The following ABCB4 variants were observed in gnomAD, a reference collection of about 807,000 sequenced individuals.
ABCB4 encodes ATP binding cassette subfamily B member 4, also known as phosphatidylcholine translocator ABCB4.
Under a neutral mutation model 145.7 loss-of-function variants are expected in ABCB4, and 76 were observed. The ratio of observed to expected loss-of-function variants is 0.52; its 90% CI spans 0.43 to 0.63. The LOEUF (loss-of-function observed/expected upper bound fraction) is 0.63. Among genes scored for constraint, ABCB4 ranks in the 30% least tolerant of loss-of-function variants. The probability of loss-of-function intolerance (pLI) is 0.00; values close to 1 mark genes in which losing one functional copy is unlikely to be tolerated. For missense variants in ABCB4, 1,234 were observed against 1,553.1 expected (o/e 0.79, Z 3.45); for synonymous variants, 517 against 566.8 (o/e 0.91, Z 1.25).
In ABCB4 at chr7:87,422,227, T is replaced by C. The variant is rs1394566358; in HGVS notation, c.2212-2A>G. 6.2e-7 allele frequency: 1 copy of C among 1,609,288 alleles called. No individual in the cohort carries two copies. The highest frequency in any genetic ancestry group is 8.5e-7 in the Non-Finnish European group (1 of 1,176,104). ...TGCATCATCGCCTGGTCCAAAAATCTACAAAAGAATATTTAAAACGCCCAC... is the reference window on the plus strand; with the variant it reads ...TGCATCATCGCCTGGTCCAAAAATCCACAAAAGAATATTTAAAACGCCCAC... On this transcript the variant is annotated splice_acceptor_variant, in intron 17 of 27. Transcript: ENST00000649586. LOFTEE classifies it high-confidence loss of function.
the ABCB4 span, among the ~76,000 whole-genome samples, chr7:87,388,057 C>T: frequency 1.3e-5 from 2 of 152,060 alleles, no homozygotes; most frequent in Non-Finnish European, 2.9e-5. Flanking sequence ...GTGATACCTT[C>T]CAGGTCCCTA....
the ABCB4 span, among the ~76,000 whole-genome samples, chr7:87,368,159 G>A: frequency 6.6e-6 from 1 of 152,098 alleles, no homozygotes; most frequent in Non-Finnish European, 1.5e-5. Context: ...CTTTGTGCTT[G>A]CTGTTTCCTC....
Position 87,443,419 on chromosome 7 carries a change from A to G in ABCB4, c.1256T>C (p.Val419Ala), listed in dbSNP as rs990267719. ...CAGGGCCACCGTCTGCCCACTCTGC[A>G]CCTTCAGGTTGAGGCCCTTCAAGAT... The part of the protein sequence containing the change: ...VKILKGLNLK[V>A]QSGQTVALVG... Residue 419 changes from valine (V) to alanine (A), a missense_variant, in exon 12 of 28, where the codon GTG (valine) becomes GCG (alanine). Coordinates refer to ENST00000649586, the MANE Select transcript of ABCB4 (RefSeq NM_000443.4). 1.2e-6 allele frequency: 2 copies of G among 1,614,080 alleles called. No homozygotes were observed. Among genetic ancestry groups the G allele is most frequent in the Non-Finnish European group, 1.7e-6 (2 of 1,180,014 alleles).
chr7:87,372,634 C>A, the ABCB4 span, among the ~76,000 whole-genome samples: 4 of 152,146 alleles, frequency 2.6e-5, no homozygotes, highest in Non-Finnish European at 5.9e-5. Context: ...TGACAACTAC[C>A]AATCTACTTT....
intron 3 of ABCB4, among the ~76,000 whole-genome samples, chr7:87,466,228 T>C (rs897096385): frequency 3.9e-5 from 6 of 152,134 alleles, no homozygotes; most frequent in Non-Finnish European, 8.8e-5. Context: ...CTGAAAACCA[T>C]GGCACAAGAA....
chr7:87,386,369 A>G, the ABCB4 span, among the ~76,000 whole-genome samples: 1 of 151,936 alleles, frequency 6.6e-6, no homozygotes, highest in African/African-American at 2.4e-5. Flanking sequence ...TGGGTTTTCT[A>G]TGTCTTTATG....
rs1289876112 is a variant in ABCB4, at chr7:87,411,954, A to C, written c.2863T>G (p.Cys955Gly). The stretch of plus-strand genomic sequence containing the variant: ...ATGAGATATGCACCAAATCGAAAAC[A>C]ACCGGCATAGGAAAAATACATAAAT... ...QAFMYFSYAGCFRFGAYLIVN... is the reference protein window; with the variant it reads ...QAFMYFSYAGGFRFGAYLIVN... Residue 955 changes from cysteine (C) to glycine (G), a missense_variant, in exon 23 of 28, where the codon TGT (cysteine) becomes GGT (glycine). Around this residue, in one of 7 missense-constraint regions of ABCB4, gnomAD observed 301 missense variants for 389.0 expected, o/e 0.77. Transcript: ENST00000649586. 6 of 1,613,872 alleles carry C rather than the reference A, an allele frequency of 3.7e-6. No homozygotes were observed. The highest frequency in any genetic ancestry group is 2.7e-5 in the African/African-American group (2 of 74,940).
At chr7:87,382,149 A>G in the ABCB4 span, 20 of 1,613,176 alleles carry the variant, frequency 1.2e-5, 1 homozygote, top group South Asian at 1.9e-4. Context: ...TTTAAATGAC[A>G]TCAACCAAGC....
chr7:87,450,930 G>A (rs1811678650), intron 7 of ABCB4, among the ~76,000 whole-genome samples: 1 of 152,194 alleles, frequency 6.6e-6, no homozygotes, highest in Admixed American at 6.5e-5. Context: ...CAACTCTGAA[G>A]TGTTGGCTAA....
chr7:87,403,313 A>T (rs755880012), intron 26 of ABCB4, 32 bp from the exon 27 acceptor site: 1 of 1,593,996 alleles, frequency 6.3e-7, no homozygotes, highest in South Asian at 1.1e-5. Context: ...AATATGTTGA[A>T]TGAACTGTTG....
chr7:87,371,695 A>C, the ABCB4 span, among the ~76,000 whole-genome samples: 1 of 152,140 alleles, frequency 6.6e-6, no homozygotes, highest in Non-Finnish European at 1.5e-5. Context: ...TAAACTTAAA[A>C]CATATCTGGT....
intron 14 of ABCB4, among the ~76,000 whole-genome samples, chr7:87,433,439 C>A (rs1370910292): frequency 6.6e-6 from 1 of 151,950 alleles, no homozygotes; most frequent in Non-Finnish European, 1.5e-5. Context: ...TAATTATATT[C>A]ATGATGCTAA....
intron 20 of ABCB4, 72 bp downstream of exon 20, chr7:87,418,465 G>T: frequency 7.5e-7 from 1 of 1,337,594 alleles, no homozygotes; most frequent in Non-Finnish European, 1.1e-6. Context: ...ATCTTAACAA[G>T]TGTGGGTATG....
chr7:87,406,450 G>C lies in ABCB4; in HGVS notation c.3324C>G (p.Leu1108=), dbSNP rs1165624379. 1 of 1,613,796 alleles carries C rather than the reference G, an allele frequency of 6.2e-7. No homozygotes were observed. Among genetic ancestry groups the C allele is most frequent in the Non-Finnish European group, 8.5e-7 (1 of 1,179,998 alleles). ...QEAKKLNVQW[L]RAQLGIVSQE... Reference sequence around the variant, plus strand: ...GAGACACGATTCCGAGTTGAGCTCTGAGCCACTGGACATTGAGTTTCTTTG... The same window carrying C: ...GAGACACGATTCCGAGTTGAGCTCTCAGCCACTGGACATTGAGTTTCTTTG... Residue 1108 remains leucine, a synonymous_variant, in exon 26 of 28, where the codon CTC becomes CTG. Coordinates refer to ENST00000649586, the MANE Select transcript of ABCB4 (RefSeq NM_000443.4).
At chr7:87,397,031 A>C (rs1401777640), downstream of ABCB4, among the ~76,000 whole-genome samples, 1 of 152,134 alleles carries the variant, frequency 6.6e-6, no homozygotes, top group Non-Finnish European at 1.5e-5. Flanking sequence ...TTCTCATTTC[A>C]TCACACCATT....
chr7:87,387,930 C>T, the ABCB4 span, among the ~76,000 whole-genome samples: 10 of 152,252 alleles, frequency 6.6e-5, 1 homozygote, highest in South Asian at 8.3e-4. Context: ...CCAGCCTGGG[C>T]GACAGAGCAA....
the ABCB4 span, among the ~76,000 whole-genome samples, chr7:87,392,122 T>C: frequency 2.6e-5 from 4 of 152,194 alleles, no homozygotes; most frequent in African/African-American, 9.6e-5. Flanking sequence ...TGTTTCATAC[T>C]CTTTTTTTTG....
At chr7:87,381,893 GT>G in the ABCB4 span, 1 of 1,560,028 alleles carries the variant, frequency 6.4e-7, no homozygotes, top group South Asian at 1.2e-5. Context: ...CAGAAATCTT[GT>G]GTGTTCTCAT....
At chr7:87,384,011 G>C in the ABCB4 span, among the ~76,000 whole-genome samples, 1 of 151,858 alleles carries the variant, frequency 6.6e-6, no homozygotes, top group Admixed American at 6.6e-5. Flanking sequence ...GTTCGCCATA[G>C]TGGCTGTACT....
Sources: gnomAD v4.1 joint callset for allele counts (sites outside exome capture counted in the v4.1 genomes callset) on GRCh38, gnomAD v4.1.1 for gene constraint, gnomAD v4.1.1 regional missense constraint, MANE v1.5 for transcripts, NCBI Gene and HGNC (gene_info 2026-07-23, HGNC 2026-07-21) for gene names.